The following KCNU1 variants were observed in gnomAD, a reference collection of about 807,000 sequenced individuals.
KCNU1 encodes the protein potassium calcium-activated channel subfamily U member 1.
A neutral mutation model predicts 126.8 loss-of-function variants in KCNU1; 93 were observed. The observed-to-expected ratio is 0.73, with a 90% confidence interval of 0.62 to 0.87. The LOEUF (loss-of-function observed/expected upper bound fraction) is 0.87. Among genes scored for constraint, KCNU1 ranks in the 40% least tolerant of loss-of-function variants. The pLI, the probability that KCNU1 is intolerant of heterozygous loss-of-function variation, is 0.00. For missense variants in KCNU1, 1,330 were observed against 1,367.1 expected, an observed-to-expected ratio of 0.97 and a Z score of 0.43; for synonymous variants, 523 against 494.2, an observed-to-expected ratio of 1.06 and a Z score of -0.77.
At chr8:36,836,254 G>T (rs745732358) in intron 12 of KCNU1, 42 bp from the exon 13 acceptor site, 1 of 1,255,386 alleles carries the variant, frequency 8.0e-7, no homozygotes, top group South Asian at 1.2e-5. Context: ...AAGCCCTTTG[G>T]CTATGACACA....
chr8:36,847,756 G>T (rs1051785827), intron 18 of KCNU1, among the ~76,000 whole-genome samples: 1 of 152,210 alleles, frequency 6.6e-6, no homozygotes, highest in East Asian at 1.9e-4. Flanking sequence ...CTTAGCTATT[G>T]TGTATAGTCC....
chr8:36,810,209 A>T (rs1241532885), intron 7 of KCNU1, among the ~76,000 whole-genome samples: 1 of 151,234 alleles, frequency 6.6e-6, no homozygotes, highest in African/African-American at 2.4e-5. Context: ...CTGAGATTGC[A>T]CCACTGCACT....
intron 16 of KCNU1, among the ~76,000 whole-genome samples, chr8:36,845,213 T>A (rs890993767): frequency 1.3e-5 from 2 of 152,212 alleles, no homozygotes; most frequent in African/African-American, 4.8e-5. Flanking sequence ...ACGCTAAGCC[T>A]GGCAATTGTG....
At position 36,808,772 on chromosome 8, in the gene KCNU1, A is replaced by G; in HGVS notation, c.711A>G (p.Thr237=). The G allele has an allele frequency of 6.2e-7, 1 of 1,611,340 alleles. No individual in the cohort carries two copies. The highest frequency in any genetic ancestry group is 1.7e-5 in the Admixed American group (1 of 59,854). Residue 237 remains threonine, a synonymous_variant, in exon 7 of 27, where the codon ACA becomes ACG. Coordinates refer to ENST00000399881, the MANE Select transcript of KCNU1 (RefSeq NM_001031836.3). ...LLSIILSTWF[T]AAGFIHLVEN... The stretch of plus-strand genomic sequence containing the variant: ...CAATAATTCTCAGTACCTGGTTCAC[A>G]GCTGCGGGATTCATTCACCTGGTAA...
intron 19 of KCNU1, among the ~76,000 whole-genome samples, chr8:36,904,357 T>C (rs1585540584): frequency 1.3e-5 from 2 of 152,172 alleles, no homozygotes; most frequent in Admixed American, 1.3e-4. Context: ...GGCCTGTCTC[T>C]TCTCACATTT....
At position 36,875,013 on chromosome 8, in the gene KCNU1, C is replaced by A. The variant is rs141036728; in HGVS notation, c.2009+10492C>A. The stretch of plus-strand genomic sequence containing the variant: ...TTGTTGCCCTTCTGCTTCCTGGTTT[C>A]CTCCTAATGAATGTAAGTGGTATTA... On this transcript the variant is annotated intron_variant, in intron 19 of 26. Coordinates refer to ENST00000399881, the MANE Select transcript of KCNU1 (RefSeq NM_001031836.3). 1.4e-4 allele frequency among the ~76,000 whole-genome samples: 22 copies of A among 152,010 alleles called. No individual in the cohort carries two copies. The East Asian group carries it at 4.3e-3, about 30-fold the overall frequency.
chr8:36,863,810 T>G (rs1805808356), intron 18 of KCNU1, among the ~76,000 whole-genome samples: 1 of 152,182 alleles, frequency 6.6e-6, no homozygotes, highest in African/African-American at 2.4e-5. Context: ...CATGTATCCT[T>G]ATAATCACCC....
intron 19 of KCNU1, among the ~76,000 whole-genome samples, chr8:36,893,496 C>T (rs1390515751): frequency 6.6e-6 from 1 of 151,990 alleles, no homozygotes; most frequent in Non-Finnish European, 1.5e-5. Flanking sequence ...TGCTAGAAAG[C>T]TCAAATAGTA....
At chr8:36,852,626 A>C (rs1805390173) in intron 18 of KCNU1, among the ~76,000 whole-genome samples, 1 of 152,102 alleles carries the variant, frequency 6.6e-6, no homozygotes, top group African/African-American at 2.4e-5. Flanking sequence ...CCACATTATC[A>C]AATTTATTGA....
At chr8:36,917,937 C>T (rs1050065309) in intron 22 of KCNU1, among the ~76,000 whole-genome samples, 4 of 152,166 alleles carry the variant, frequency 2.6e-5, no homozygotes, top group African/African-American at 9.7e-5. Context: ...TGGAGACAGG[C>T]AGGCAGCCAG....
Position 36,935,744 on chromosome 8 carries a change from T to A in KCNU1, c.3274T>A (p.Tyr1092Asn). The change falls in exon 27 of 27, where the codon TAC becomes AAC. Residue 1092 changes from tyrosine (Y) to asparagine (N), a missense_variant. By Grantham distance (143) the Tyr-to-Asn change is moderately radical. Coordinates refer to ENST00000399881, the MANE Select transcript of KCNU1 (RefSeq NM_001031836.3). ...GACATTGTATTCACCAGTCTATTCTTACCAGCCGAGAACTAACTCCCTCTC... is the reference window on the plus strand; with the variant it reads ...GACATTGTATTCACCAGTCTATTCTAACCAGCCGAGAACTAACTCCCTCTC... ...TETLYSPVYSYQPRTNSLSFP... is the reference protein window; with the variant it reads ...TETLYSPVYSNQPRTNSLSFP... The A allele has an allele frequency of 6.2e-7, 1 of 1,613,416 alleles. No individual in the cohort carries two copies. The highest frequency in any genetic ancestry group is 1.1e-5 in the South Asian group (1 of 91,070).
intron 25 of KCNU1, 84 bp downstream of exon 25, chr8:36,931,229 T>C (rs139446461): frequency 1.2e-6 from 1 of 811,600 alleles, no homozygotes; most frequent in East Asian, 2.6e-5. Context: ...TTTGGGTTCA[T>C]AGATGTCCCA....
chr8:36,834,636 T>C (rs1804678974), intron 11 of KCNU1, 150 bp from the exon 12 acceptor site: 3 of 586,092 alleles, frequency 5.1e-6, no homozygotes, highest in Admixed American at 5.9e-5. Context: ...AATCCTGATG[T>C]AAAGACATCC....
At chr8:36,862,315 A>T (rs1222927482) in intron 18 of KCNU1, among the ~76,000 whole-genome samples, 2 of 152,108 alleles carry the variant, frequency 1.3e-5, no homozygotes, top group African/African-American at 4.8e-5. Flanking sequence ...TTTTTCTTAA[A>T]TTTTTTCCTC....
Position 36,840,918 on chromosome 8 carries a change from G to A in KCNU1, c.1632-14G>A, listed in dbSNP as rs373904349. ...CCGCTTGCTCTCCTTTTGACTCCTC[G>A]TCTTCCTTCCCAGGCTCTGCTTTCT... On this transcript the variant is annotated splice_polypyrimidine_tract_variant and intron_variant, in intron 15 of 26. Coordinates refer to ENST00000399881, the MANE Select transcript of KCNU1 (RefSeq NM_001031836.3). The A allele has an allele frequency of 5.4e-5, 86 of 1,601,728 alleles. No homozygotes were observed. The highest frequency in any genetic ancestry group is 9.4e-5 in the African/African-American group (7 of 74,564).
intron 19 of KCNU1, among the ~76,000 whole-genome samples, chr8:36,871,529 G>A (rs751596727): frequency 2.1e-4 from 32 of 152,022 alleles, no homozygotes; most frequent in South Asian, 6.2e-4. Context: ...ATAGCTTCAG[G>A]CTTCTTAAAA....
chr8:36,856,957 A>G lies in KCNU1; in HGVS notation c.1892-7447A>G, dbSNP rs540180890. ...AGCACCCTTGGGCTTGAAATTCTTG[A>G]TACTCTGTTCCAAGTAAAATCAATT... On this transcript the variant is annotated intron_variant, in intron 18 of 26. Transcript: ENST00000399881. Among the ~76,000 whole-genome samples the G allele has an allele frequency of 1.4e-4, 22 of 152,338 alleles. No individual in the cohort carries two copies. The South Asian group carries it at 4.6e-3, about 32-fold the overall frequency.
intron 10 of KCNU1, among the ~76,000 whole-genome samples, chr8:36,830,368 A>G (rs1454284619): frequency 6.6e-6 from 1 of 151,968 alleles, no homozygotes; most frequent in Admixed American, 6.6e-5. Flanking sequence ...GGTTAAAAAT[A>G]TTATCTTCTA....
At chr8:36,894,567 AGTT>A (rs1017723815) in intron 19 of KCNU1, among the ~76,000 whole-genome samples, 42 of 152,280 alleles carry the variant, frequency 2.8e-4, no homozygotes, top group African/African-American at 9.9e-4. Flanking sequence ...TGAGGAAAAT[AGTT>A]GTGAGTGGTT....
Sources: gnomAD v4.1 joint callset for allele counts (sites outside exome capture counted in the v4.1 genomes callset) on GRCh38, gnomAD v4.1.1 for gene constraint, MANE v1.5 for transcripts, NCBI Gene and HGNC (gene_info 2026-07-23, HGNC 2026-07-21) for gene names.